NR3C2: variants seen among roughly 807,000 people sequenced by gnomAD.
The protein encoded by NR3C2 is nuclear receptor subfamily 3 group C member 2.
Under a neutral mutation model 86.4 loss-of-function variants are expected in NR3C2, and 15 were observed. That is an observed-to-expected ratio of 0.17 (90% CI 0.12 to 0.27). NR3C2 has a LOEUF of 0.27. Among genes scored for constraint, NR3C2 ranks in the 10% least tolerant of loss-of-function variants. The pLI, the probability that NR3C2 is intolerant of heterozygous loss-of-function variation, is 1.00. For synonymous variants in NR3C2, 458 were observed against 450.5 expected, an observed-to-expected ratio of 1.02 and a Z score of -0.21; for missense variants, 960 against 1,195.6, an observed-to-expected ratio of 0.80 and a Z score of 2.91.
intron 2 of NR3C2, among the ~76,000 whole-genome samples, chr4:148,314,725 C>T (rs1743078075): frequency 6.6e-6 from 1 of 151,998 alleles, no homozygotes; most frequent in Non-Finnish European, 1.5e-5. Flanking sequence ...CCCAATAATC[C>T]AGAAGATTTT....
intron 8 of NR3C2, among the ~76,000 whole-genome samples, chr4:148,086,066 C>T (rs1196097666): frequency 1.3e-5 from 2 of 152,182 alleles, no homozygotes; most frequent in East Asian, 1.9e-4. Context: ...GGAGCTGGTA[C>T]CATTCCTTCT....
intron 2 of NR3C2, among the ~76,000 whole-genome samples, chr4:148,264,923 T>G (rs975779894): frequency 6.6e-6 from 1 of 152,216 alleles, no homozygotes; most frequent in African/African-American, 2.4e-5. Flanking sequence ...GCTGCTGATT[T>G]TGGTTAAAAT....
intron 3 of NR3C2, 120 bp from the exon 4 acceptor site, chr4:148,194,982 T>C (rs1736374521): frequency 1.3e-6 from 1 of 762,592 alleles, no homozygotes; most frequent in Non-Finnish European, 2.2e-6. Flanking sequence ...CTCAAAAAAG[T>C]AAAAGTACAT....
chr4:148,416,934 C>A (rs1269232567), intron 2 of NR3C2, among the ~76,000 whole-genome samples: 2 of 150,420 alleles, frequency 1.3e-5, no homozygotes, highest in Non-Finnish European at 3.0e-5. Context: ...TGCCACCATG[C>A]CCAGCTAATT....
intron 3 of NR3C2, among the ~76,000 whole-genome samples, chr4:148,227,847 C>T (rs1000682288): frequency 3.3e-5 from 5 of 152,082 alleles, no homozygotes; most frequent in African/African-American, 9.7e-5. Context: ...TTGAGACCTC[C>T]TTACTTTCTG....
intron 2 of NR3C2, among the ~76,000 whole-genome samples, chr4:148,274,544 GCTCT>G (rs201592916): frequency 6.6e-6 from 1 of 151,432 alleles, no homozygotes; most frequent in Non-Finnish European, 1.5e-5. Context: ...CCTCGCTCTT[GCTCT>G]CTCTCTCTCC....
chr4:148,437,047 C>T (rs1295341698), intron 1 of NR3C2, among the ~76,000 whole-genome samples, 185 bp from the exon 2 acceptor site: 3 of 152,086 alleles, frequency 2.0e-5, no homozygotes, highest in Non-Finnish European at 4.4e-5. Flanking sequence ...TACAGCTTGT[C>T]GAGATGTCAG....
At chr4:148,185,492 T>C (rs1183695699) in intron 4 of NR3C2, among the ~76,000 whole-genome samples, 4 of 152,264 alleles carry the variant, frequency 2.6e-5, no homozygotes, top group African/African-American at 9.6e-5. Flanking sequence ...TGAAGTCTCA[T>C]TTAATTAGTT....
At chr4:148,373,375 C>T (rs569876619) in intron 2 of NR3C2, among the ~76,000 whole-genome samples, 5 of 152,174 alleles carry the variant, frequency 3.3e-5, no homozygotes, top group South Asian at 2.1e-4. Flanking sequence ...CTGTATCATG[C>T]CTTACATTCT....
At chr4:148,192,798 G>A (rs1364304889) in intron 4 of NR3C2, among the ~76,000 whole-genome samples, 2 of 152,042 alleles carry the variant, frequency 1.3e-5, no homozygotes, top group African/African-American at 2.4e-5. Flanking sequence ...CTGCTCCCAG[G>A]CAAACTAAAG....
At chr4:148,240,240 TTATA>T (rs890435016) in intron 3 of NR3C2, among the ~76,000 whole-genome samples, 1 of 141,564 alleles carries the variant, frequency 7.1e-6, no homozygotes, top group African/African-American at 2.5e-5. Flanking sequence ...TATTTATAAA[TTATA>T]TATATATTTA....
intron 4 of NR3C2, among the ~76,000 whole-genome samples, chr4:148,182,181 C>T (rs766495717): frequency 2.0e-5 from 3 of 152,256 alleles, no homozygotes; most frequent in Non-Finnish European, 2.9e-5. Flanking sequence ...AAGAAAACAG[C>T]GGTGAGATCG....
chr4:148,445,044 C>G, upstream of NR3C2: 1 of 971,906 alleles, frequency 1.0e-6, no homozygotes, highest in Non-Finnish European at 1.2e-6. Flanking sequence ...GGAGGCGGCA[C>G]CGCGTCCGGC....
At chr4:148,316,761 T>C (rs180856996) in intron 2 of NR3C2, among the ~76,000 whole-genome samples, 8 of 152,228 alleles carry the variant, frequency 5.3e-5, no homozygotes, top group Admixed American at 3.3e-4. Context: ...AAAAATTAAA[T>C]GCCCTCCATT....
intron 2 of NR3C2, among the ~76,000 whole-genome samples, chr4:148,285,736 A>G (rs76457549): frequency 6.6e-6 from 1 of 151,952 alleles, no homozygotes; most frequent in Non-Finnish European, 1.5e-5. Flanking sequence ...AACAAAAAAA[A>G]CTTCCTCCAT....
At chr4:148,097,344 T>C (rs1201066661) in intron 8 of NR3C2, among the ~76,000 whole-genome samples, 2 of 152,180 alleles carry the variant, frequency 1.3e-5, no homozygotes, top group Non-Finnish European at 2.9e-5. Flanking sequence ...GGTAGCTAAC[T>C]GTCTTACAAA....
chr4:148,366,114 C>T (rs1746099362), intron 2 of NR3C2, among the ~76,000 whole-genome samples: 1 of 151,984 alleles, frequency 6.6e-6, no homozygotes, highest in South Asian at 2.1e-4. Context: ...AGAAAGATTT[C>T]AGGAAGTATG....
chr4:148,206,358 T>A (rs887816586), intron 3 of NR3C2, among the ~76,000 whole-genome samples: 1 of 152,190 alleles, frequency 6.6e-6, no homozygotes, highest in Non-Finnish European at 1.5e-5. Context: ...ATTTTATAAC[T>A]CAAAGTTGTT....
chr4:148,115,422 A>G (rs1403005375), intron 7 of NR3C2, among the ~76,000 whole-genome samples: 2 of 152,272 alleles, frequency 1.3e-5, no homozygotes, highest in Non-Finnish European at 2.9e-5. Flanking sequence ...TTTTATTTCT[A>G]GGTGATAAAG....
Sources: allele counts gnomAD v4.1 joint callset (sites outside exome capture counted in the v4.1 genomes callset), GRCh38; gene constraint gnomAD v4.1.1; transcripts MANE v1.5; gene names NCBI Gene and HGNC (gene_info 2026-07-23, HGNC 2026-07-21).